COL28A1: variants seen among roughly 807,000 people sequenced by gnomAD.
COL28A1 encodes the protein collagen alpha-1(XXVIII) chain.
Under a neutral mutation model 150.2 loss-of-function variants are expected in COL28A1, and 161 were observed. The ratio of observed to expected loss-of-function variants is 1.07; its 90% CI spans 0.94 to 1.22. The LOEUF (loss-of-function observed/expected upper bound fraction) is 1.22. Among genes scored for constraint, COL28A1 ranks in the 50% most tolerant of loss-of-function variants. COL28A1 has a pLI of 0.00. For missense variants in COL28A1, 1,617 were observed against 1,388.3 expected (o/e 1.16, Z -2.62); for synonymous variants, 552 against 469.7 (o/e 1.18, Z -2.26).
intron 27 of COL28A1, among the ~76,000 whole-genome samples, chr7:7,391,335 T>C (rs1732188377): frequency 6.6e-6 from 1 of 152,200 alleles, no homozygotes; most frequent in African/African-American, 2.4e-5. Context: ...CACTGTGGTC[T>C]GAGAGATTGT....
chr7:7,423,208 G>T (rs1295462465), intron 25 of COL28A1, among the ~76,000 whole-genome samples: 4 of 152,190 alleles, frequency 2.6e-5, no homozygotes, highest in African/African-American at 9.7e-5. Context: ...AGGATAATGT[G>T]GTGAGGGGAG....
chr7:7,437,340 T>G, intron 22 of COL28A1, 54 bp downstream of exon 22: 1 of 1,554,920 alleles, frequency 6.4e-7, no homozygotes, highest in Non-Finnish European at 8.7e-7. Flanking sequence ...TGATTTTTTT[T>G]TCTCCAACTG....
chr7:7,400,975 G>T (rs926136892), intron 27 of COL28A1, among the ~76,000 whole-genome samples: 4 of 119,068 alleles, frequency 3.4e-5, no homozygotes, highest in Admixed American at 8.7e-5. Flanking sequence ...TGGGTATTTG[G>T]GTGTGTGTGT....
chr7:7,506,109 A>G (rs749312954), intron 10 of COL28A1, 42 bp from the exon 11 acceptor site: 1 of 957,490 alleles, frequency 1.0e-6, no homozygotes, highest in Non-Finnish European at 1.7e-6. Flanking sequence ...TGTGTACAAA[A>G]GGCCAGCAGG....
intron 15 of COL28A1, among the ~76,000 whole-genome samples, chr7:7,461,632 A>C (rs1215443026): frequency 6.6e-6 from 1 of 152,104 alleles, no homozygotes; most frequent in Non-Finnish European, 1.5e-5. Flanking sequence ...CTTCCCTGAC[A>C]ACCTGTATGG....
chr7:7,361,939 C>T (rs992418240), intron 33 of COL28A1, among the ~76,000 whole-genome samples: 1 of 152,056 alleles, frequency 6.6e-6, no homozygotes, highest in Non-Finnish European at 1.5e-5. Flanking sequence ...AACAGAAAAC[C>T]AAACACCACA....
At chr7:7,511,890 A>C (rs1433886984) in intron 8 of COL28A1, 2 of 439,024 alleles carry the variant, frequency 4.6e-6, no homozygotes, top group Non-Finnish European at 9.5e-6. Flanking sequence ...TATCAGTGAT[A>C]GTTTATCATA....
rs1554260229 is a variant in COL28A1 at position 7,372,442 on chromosome 7, T to TAAATAAAA, written c.2908+555_2908+556insTTTTATTT. On this transcript the variant is annotated intron_variant, in intron 32 of 34. Coordinates refer to ENST00000399429, the MANE Select transcript of COL28A1 (RefSeq NM_001037763.3). ...ATAAATAAATAAATAAATAAATAAA[T>TAAATAAAA]GGTTGTTCTTTTGAGATAAATTCCC... 8.1e-3 allele frequency among the ~76,000 whole-genome samples: 1,172 copies of TAAATAAAA among 143,890 alleles called. 25 individuals are homozygous for TAAATAAAA. Among genetic ancestry groups the TAAATAAAA allele is most frequent in the African/African-American group, 0.032 (1,097 of 33,984 alleles). 94.4% of individuals were successfully genotyped at this position (143,890 alleles called of 152,430 possible). A position where few individuals can be genotyped will look rare whatever the true frequency, so the allele number is the denominator to read the frequency against.
chr7:7,511,795 A>G (rs1220380959), intron 8 of COL28A1: 1 of 471,110 alleles, frequency 2.1e-6, no homozygotes, highest in Non-Finnish European at 4.4e-6. Context: ...CAAGCATGCT[A>G]CATATTTTTC....
At chr7:7,492,743 T>G (rs115404887) in intron 11 of COL28A1, among the ~76,000 whole-genome samples, 2,093 of 151,604 alleles carry the variant, frequency 0.014, 41 homozygotes, top group African/African-American at 0.048. Context: ...TCAAAATGAG[T>G]CATCCACATT....
chr7:7,474,756 T>A (rs1788730316), intron 14 of COL28A1, 87 bp from the exon 15 acceptor site: 2 of 754,238 alleles, frequency 2.7e-6, no homozygotes, highest in Non-Finnish European at 4.7e-6. Flanking sequence ...GAATTGTGCT[T>A]CAAAATTATT....
chr7:7,521,001 T>C (rs1195307704), intron 5 of COL28A1, among the ~76,000 whole-genome samples: 1 of 152,146 alleles, frequency 6.6e-6, no homozygotes, highest in Admixed American at 6.5e-5. Flanking sequence ...AATTGTAGGC[T>C]TTGGACCCGA....
intron 15 of COL28A1, 95 bp downstream of exon 15, chr7:7,474,506 T>C: frequency 1.7e-6 from 1 of 579,110 alleles, no homozygotes; most frequent in Non-Finnish European, 3.0e-6. Flanking sequence ...CTGTGTGGCA[T>C]GGTTGTCATG....
intron 27 of COL28A1, among the ~76,000 whole-genome samples, chr7:7,414,694 C>T (rs1020007164): frequency 1.3e-5 from 2 of 152,302 alleles, no homozygotes; most frequent in African/African-American, 4.8e-5. Context: ...CCCTTCTACT[C>T]CCACATTCCT....
chr7:7,433,265 A>G (rs1463756301), intron 23 of COL28A1, among the ~76,000 whole-genome samples: 2 of 152,154 alleles, frequency 1.3e-5, no homozygotes, highest in Non-Finnish European at 1.5e-5. Flanking sequence ...TAACTGTCTC[A>G]CAAACAGCAA....
intron 21 of COL28A1, 69 bp from the exon 22 acceptor site, chr7:7,437,531 A>C: frequency 6.5e-7 from 1 of 1,538,352 alleles, no homozygotes; most frequent in Non-Finnish European, 8.7e-7. Context: ...TATTAAGAAA[A>C]GTACAGAAAT....
chr7:7,486,330 G>A (rs551698167), intron 13 of COL28A1, among the ~76,000 whole-genome samples: 1 of 152,200 alleles, frequency 6.6e-6, no homozygotes, highest in East Asian at 1.9e-4. Context: ...TTAATTCTAG[G>A]AGGTTTTTGT....
At chr7:7,532,475 T>A (rs1782422843) in intron 2 of COL28A1, among the ~76,000 whole-genome samples, 1 of 151,710 alleles carries the variant, frequency 6.6e-6, no homozygotes, top group African/African-American at 2.4e-5. Flanking sequence ...ACCTCAATTT[T>A]TTTAATCTAC....
chr7:7,542,191 T>C, the COL28A1 span, among the ~76,000 whole-genome samples: 1 of 151,966 alleles, frequency 6.6e-6, no homozygotes, highest in Admixed American at 6.5e-5. Flanking sequence ...CTACTAAAAA[T>C]ACAAAAATTA....
Sources: gnomAD v4.1 joint callset for allele counts (sites outside exome capture counted in the v4.1 genomes callset) on GRCh38, gnomAD v4.1.1 for gene constraint, MANE v1.5 for transcripts, NCBI Gene and HGNC (gene_info 2026-07-23, HGNC 2026-07-21) for gene names.